Variants in ARNT observed in about 807,000 individuals in gnomAD.
ARNT encodes the protein aryl hydrocarbon receptor nuclear translocator, also known as class E basic helix-loop-helix protein 2.
In ARNT, 30 loss-of-function variants were observed where a neutral mutation model predicts 105.0. The ratio of observed to expected loss-of-function variants is 0.29; its 90% CI spans 0.21 to 0.39. The LOEUF is 0.39. Among genes scored for constraint, ARNT ranks in the 10% least tolerant of loss-of-function variants. The pLI is 1.00. For synonymous variants in ARNT, 304 were observed against 344.0 expected (o/e 0.88, Z 1.29); for missense variants, 748 against 978.7 (o/e 0.76, Z 3.15).
At chr1:150,829,380 A>C (rs1658903317) in intron 11 of ARNT, among the ~76,000 whole-genome samples, 153 bp from the exon 12 acceptor site, 1 of 152,220 alleles carries the variant, frequency 6.6e-6, no homozygotes, top group Non-Finnish European at 1.5e-5. Context: ...AAAAAATGAC[A>C]ATCACAATCA....
At chr1:150,837,667 C>T (rs1055963399) in intron 6 of ARNT, among the ~76,000 whole-genome samples, 1 of 152,128 alleles carries the variant, frequency 6.6e-6, no homozygotes, top group East Asian at 1.9e-4. Flanking sequence ...TAATACCATA[C>T]TTTCTTCCTG....
At chr1:150,818,207 A>G in intron 14 of ARNT, 177 bp from the exon 15 acceptor site, 1 of 502,722 alleles carries the variant, frequency 2.0e-6, no homozygotes, top group Admixed American at 3.5e-5. Context: ...TGTCAGTTTC[A>G]GCAAACAGAA....
rs375595969 is a variant in ARNT, at chr1:150,825,774, A to G, written c.1242+769T>C. Among the ~76,000 whole-genome samples, 59 of 151,938 alleles carry G rather than the reference A, an allele frequency of 3.9e-4. No individual in the cohort carries two copies. The South Asian group carries it at 0.011, about 28-fold the overall frequency. On this transcript the variant is annotated intron_variant, in intron 13 of 21. Transcript: ENST00000358595. ...TGAAACAGGAGAATCGCTTGAACCT[A>G]AGAGGCAGAGGTTACAATGAGCTGA...
intron 4 of ARNT, among the ~76,000 whole-genome samples, chr1:150,845,417 A>G (rs1271055957): frequency 2.0e-5 from 3 of 151,046 alleles, no homozygotes; most frequent in Admixed American, 6.6e-5. Flanking sequence ...CCTGGCCAAC[A>G]TGGTGAAACC....
intron 4 of ARNT, 149 bp from the exon 5 acceptor site, chr1:150,842,617 T>G: frequency 1.6e-6 from 1 of 615,444 alleles, no homozygotes; most frequent in Non-Finnish European, 2.8e-6. Context: ...GAAAAGGATA[T>G]AGAACTAAAC....
intron 4 of ARNT, among the ~76,000 whole-genome samples, chr1:150,843,804 T>C (rs1470405643): frequency 1.3e-5 from 2 of 152,184 alleles, no homozygotes; most frequent in South Asian, 4.1e-4. Context: ...CCAAAAGTTT[T>C]TCAAGAAGTT....
At chr1:150,874,042 A>T (rs1667888342) in intron 1 of ARNT, among the ~76,000 whole-genome samples, 2 of 151,260 alleles carry the variant, frequency 1.3e-5, no homozygotes, top group South Asian at 4.2e-4. Flanking sequence ...AAAAAAAAAA[A>T]ATTAGTACTC....
At chr1:150,859,277 G>A (rs1035093255) in intron 1 of ARNT, among the ~76,000 whole-genome samples, 23 of 148,770 alleles carry the variant, frequency 1.5e-4, no homozygotes, top group Admixed American at 7.4e-4. Context: ...CCTGCCCCCC[G>A]TACCTCTCCT....
chr1:150,841,143 G>T (rs1661237488), intron 5 of ARNT, among the ~76,000 whole-genome samples: 1 of 149,704 alleles, frequency 6.7e-6, no homozygotes, highest in Non-Finnish European at 1.5e-5. Context: ...GTAGAGACGC[G>T]GTTTCACCAA....
At chr1:150,863,568 C>T (rs1025101233) in intron 1 of ARNT, among the ~76,000 whole-genome samples, 3 of 152,068 alleles carry the variant, frequency 2.0e-5, no homozygotes, top group African/African-American at 7.2e-5. Flanking sequence ...GTGGCTCACG[C>T]CTGTAATCCC....
Position 150,811,465 on chromosome 1 carries a change from C to CACAT in ARNT, c.*555_*556insATGT, listed in dbSNP as rs1490962010. 7 of 231,714 alleles carry CACAT rather than the reference C, an allele frequency of 3.0e-5. No individual in the cohort carries two copies. The highest frequency in any genetic ancestry group is 5.9e-5 in the Non-Finnish European group (7 of 117,984). 14.4% of individuals were successfully genotyped at this position (231,714 alleles called of 1,614,324 possible). On this transcript the variant is annotated 3_prime_UTR_variant, in exon 22 of 22. Transcript: ENST00000358595. Reference sequence around the variant, plus strand: ...ATACAGAAGCATGTGTGCGCACACACACACACACACACATACACACACACT... The same window carrying CACAT: ...ATACAGAAGCATGTGTGCGCACACACACATACACACACACACATACACACACACT...
intron 1 of ARNT, among the ~76,000 whole-genome samples, chr1:150,871,632 G>A (rs904831897): frequency 2.0e-5 from 3 of 147,010 alleles, no homozygotes; most frequent in Non-Finnish European, 4.5e-5. Context: ...GATGGCGGCG[G>A]AGCATGGCGG....
intron 1 of ARNT, among the ~76,000 whole-genome samples, chr1:150,870,781 T>A (rs78816602): frequency 0.06 from 9,150 of 152,032 alleles, 952 homozygotes; most frequent in African/African-American, 0.21. Flanking sequence ...AGTGCTAGGA[T>A]TACAGGTATG....
intron 14 of ARNT, among the ~76,000 whole-genome samples, chr1:150,820,213 G>C (rs955831157): frequency 6.6e-6 from 1 of 152,188 alleles, no homozygotes; most frequent in Admixed American, 6.5e-5. Flanking sequence ...CCCACTTATA[G>C]AAAGAGCTTG....
At chr1:150,816,170 TA>T in intron 19 of ARNT, 88 bp downstream of exon 19, 1 of 1,486,928 alleles carries the variant, frequency 6.7e-7, no homozygotes, top group Non-Finnish European at 9.1e-7. Flanking sequence ...AGAAGGTATT[TA>T]AAATAGAAAA....
chr1:150,838,967 C>CT (rs1307649624), intron 6 of ARNT, among the ~76,000 whole-genome samples: 1 of 152,194 alleles, frequency 6.6e-6, no homozygotes, highest in African/African-American at 2.4e-5. Flanking sequence ...TTTACGCCTT[C>CT]TTTTTTTCAT....
chr1:150,814,285 A>T (rs758953521), intron 19 of ARNT, 46 bp from the exon 20 acceptor site: 2 of 1,575,484 alleles, frequency 1.3e-6, no homozygotes, highest in East Asian at 2.2e-5. Context: ...CAGCATTAAC[A>T]TCATTGCACA....
intron 6 of ARNT, among the ~76,000 whole-genome samples, chr1:150,837,058 AC>A (rs1660461666): frequency 6.6e-6 from 1 of 151,330 alleles, no homozygotes. Flanking sequence ...AGAGCAAGAG[AC>A]CCTGTCTCAA....
chr1:150,850,840 G>A (rs1557926327), intron 3 of ARNT, among the ~76,000 whole-genome samples: 1 of 150,938 alleles, frequency 6.6e-6, no homozygotes, highest in Non-Finnish European at 1.5e-5. Flanking sequence ...AAGTGAGGAG[G>A]GTCTCTGCCC....
Sources: gnomAD v4.1 joint callset for allele counts (sites outside exome capture counted in the v4.1 genomes callset) on GRCh38, gnomAD v4.1.1 for gene constraint, MANE v1.5 for transcripts, NCBI Gene and HGNC (gene_info 2026-07-23, HGNC 2026-07-21) for gene names.